MAPKBP1: variants seen among roughly 807,000 people sequenced by gnomAD.
MAPKBP1 encodes mitogen-activated protein kinase binding protein 1.
In MAPKBP1, 71 loss-of-function variants were observed where a neutral mutation model predicts 170.5. That is an observed-to-expected ratio of 0.42 (90% CI 0.34 to 0.51). The LOEUF (loss-of-function observed/expected upper bound fraction) is 0.51. MAPKBP1 is among the 20% of genes least tolerant of loss of function. The probability of loss-of-function intolerance (pLI) is 0.06; values close to 1 mark genes in which losing one functional copy is unlikely to be tolerated. For synonymous variants in MAPKBP1, 719 were observed against 757.9 expected, an observed-to-expected ratio of 0.95 and a Z score of 0.84; for missense variants, 1,598 against 1,933.0, an observed-to-expected ratio of 0.83 and a Z score of 3.25.
chr15:41,819,742 G>C (rs1434408258), intron 22 of MAPKBP1, 92 bp downstream of exon 22: 13 of 1,329,278 alleles, frequency 9.8e-6, no homozygotes, highest in Non-Finnish European at 1.3e-5. Flanking sequence ...AGGGTACTGG[G>C]GCATGGGGTC....
At chr15:41,802,632 C>G (rs1387537728) in intron 3 of MAPKBP1, among the ~76,000 whole-genome samples, 1 of 152,142 alleles carries the variant, frequency 6.6e-6, no homozygotes, top group African/African-American at 2.4e-5. Flanking sequence ...TGCCACCACG[C>G]CTGGCTAATT....
intron 2 of MAPKBP1, among the ~76,000 whole-genome samples, chr15:41,781,400 T>TG (rs1002003064): frequency 6.2e-5 from 1 of 16,232 alleles, no homozygotes; most frequent in Non-Finnish European, 1.6e-4. Flanking sequence ...GGTTTTTTTG[T>TG]TTTTTTTTTT....
Position 41,822,005 on chromosome 15 carries a change from A to G in MAPKBP1, c.2926A>G (p.Arg976Gly), listed in dbSNP as rs371956245. ...VQAPARGTLG[R>G]VYPGSRSSEK... ...GGCTCCAGCCCGGGGAACTCTGGGA[A>G]GAGTGTACCCAGGCAGCAGGAGCTC... is the stretch of plus-strand genomic sequence containing the variant. Residue 976 changes from arginine to glycine, a missense_variant, in exon 25 of 31, where the codon AGA (arginine) becomes GGA (glycine). By Grantham distance (125) the Arg-to-Gly change is moderately radical (BLOSUM62 -2). Transcript: ENST00000457542. 6 of 1,610,706 alleles carry G rather than the reference A, an allele frequency of 3.7e-6. No individual in the cohort carries two copies. Among genetic ancestry groups the G allele is most frequent in the Middle Eastern group, 1.7e-4 (1 of 6,018 alleles).
chr15:41,816,681 T>C, intron 13 of MAPKBP1, 31 bp downstream of exon 13: 1 of 1,586,796 alleles, frequency 6.3e-7, no homozygotes, highest in East Asian at 2.2e-5. Context: ...GGCACAGGGC[T>C]CCTCCAGTCC....
chr15:41,810,869 G>C lies in MAPKBP1; in HGVS notation c.207-14G>C. ...TGGTTTGCTGCTGAGCCTGTTGTCT[G>C]CTCATCTCCTCAGGTGTGTGGTTGT... On this transcript the variant is annotated splice_polypyrimidine_tract_variant and intron_variant, in intron 3 of 30. Transcript: ENST00000457542. 6.2e-7 allele frequency: 1 copy of C among 1,613,966 alleles called. No individual in the cohort carries two copies. Among genetic ancestry groups the C allele is most frequent in the Non-Finnish European group, 8.5e-7 (1 of 1,179,848 alleles).
At position 41,823,046 on chromosome 15, in the gene MAPKBP1, C is replaced by T. The variant is rs1342100943; in HGVS notation, c.3422C>T (p.Ala1141Val). Residue 1141 changes from alanine to valine, a missense_variant, in exon 28 of 31, where the codon GCA becomes GTA. By Grantham distance (64) the Ala-to-Val change is moderately conservative (BLOSUM62 0). Around this residue, in one of 6 missense-constraint regions of MAPKBP1, gnomAD observed 942 missense variants for 953.2 expected, o/e 0.99. Coordinates refer to ENST00000457542, the MANE Select transcript of MAPKBP1 (RefSeq NM_014994.3). ...PRGNGANPPG[A>V]PPEVEPSSGN... is the part of the protein sequence containing the mutation. ...GGCAATGGTGCCAATCCCCCTGGAG[C>T]ACCCCCGGAGGTGGAACCGTCCTCT... is the stretch of plus-strand genomic sequence containing the variant. 2 of 1,613,916 alleles carry T rather than the reference C, an allele frequency of 1.2e-6. No individual in the cohort carries two copies.
intron 2 of MAPKBP1, among the ~76,000 whole-genome samples, chr15:41,780,038 A>G (rs1731407304): frequency 6.6e-6 from 1 of 152,108 alleles, no homozygotes; most frequent in South Asian, 2.1e-4. Flanking sequence ...CCTGGACCCA[A>G]CACCTCTTCA....
chr15:41,802,833 T>G (rs2064621213), intron 3 of MAPKBP1, among the ~76,000 whole-genome samples: 1 of 152,240 alleles, frequency 6.6e-6, no homozygotes. Flanking sequence ...CTTTTTAAAC[T>G]TTTTTGTTAA....
At position 41,815,273 on chromosome 15, in the gene MAPKBP1, G is replaced by C. The variant is rs555101294; in HGVS notation, c.1185G>C (p.Val395=). 1 of 1,614,222 alleles carries C rather than the reference G, an allele frequency of 6.2e-7. No individual in the cohort carries two copies. Among genetic ancestry groups the C allele is most frequent in the East Asian group, 2.2e-5 (1 of 44,880 alleles). ...GGCCTCTTCAGGTCTACCCCGAGGT[G>C]AAGGATAGTAACCAGGCCTGCCTGC... ...CVWSVEVYPE[V]KDSNQACLPP... is the part of the protein sequence containing the mutation. Residue 395 remains valine, a synonymous_variant, in exon 11 of 31, where the codon GTG becomes GTC. Transcript: ENST00000457542.
At chr15:41,822,908 C>A (rs752773636) in intron 27 of MAPKBP1, 31 bp from the exon 28 acceptor site, 5 of 1,578,420 alleles carry the variant, frequency 3.2e-6, no homozygotes, top group South Asian at 1.2e-5. Context: ...TGAGCCTTCT[C>A]TGGGCCTTCT....
chr15:41,825,312 C>A lies in MAPKBP1; in HGVS notation c.4403C>A (p.Ala1468Glu), dbSNP rs941484469. The A allele has an allele frequency of 6.2e-7, 1 of 1,612,978 alleles. No individual in the cohort carries two copies. Among genetic ancestry groups the A allele is most frequent in the Non-Finnish European group, 8.5e-7 (1 of 1,179,860 alleles). ...VRQELEAVAG[A>E]VLSSPGSSPG... is the part of the protein sequence containing the mutation. Reference sequence around the variant, plus strand: ...CAGGAGCTGGAAGCTGTGGCTGGGGCAGTGCTGTCCAGCCCAGGCAGCAGC... The same window carrying A: ...CAGGAGCTGGAAGCTGTGGCTGGGGAAGTGCTGTCCAGCCCAGGCAGCAGC... Residue 1468 changes from alanine (A) to glutamate (E), a missense_variant, in exon 31 of 31, where the codon GCA becomes GAA. Ala to Glu is a moderately radical substitution (Grantham distance 107). Transcript: ENST00000457542.
intron 2 of MAPKBP1, among the ~76,000 whole-genome samples, chr15:41,782,216 C>T (rs1249863644): frequency 2.0e-5 from 3 of 147,402 alleles, no homozygotes; most frequent in Non-Finnish European, 4.5e-5. Context: ...GAGCTGAGAT[C>T]GCGCCACTGC....
At chr15:41,791,200 G>T (rs1474545426) in intron 2 of MAPKBP1, among the ~76,000 whole-genome samples, 1 of 152,048 alleles carries the variant, frequency 6.6e-6, no homozygotes, top group African/African-American at 2.4e-5. Context: ...AGAAGTGGGG[G>T]AAGGGAAAAG....
chr15:41,796,881 G>C (rs1288508843), intron 2 of MAPKBP1, among the ~76,000 whole-genome samples: 1 of 152,182 alleles, frequency 6.6e-6, no homozygotes, highest in Non-Finnish European at 1.5e-5. Context: ...CATGAAATCA[G>C]TAAAGTGGGC....
Position 41,784,554 on chromosome 15 carries a change from C to T in MAPKBP1, c.114+9165C>T, listed in dbSNP as rs377076957. 7.3e-5 allele frequency among the ~76,000 whole-genome samples: 11 copies of T among 151,676 alleles called. No homozygotes were observed. In the South Asian group the frequency reaches 8.3e-4, roughly 11 times the overall value. On this transcript the variant is annotated intron_variant, in intron 2 of 30. Coordinates refer to ENST00000457542, the MANE Select transcript of MAPKBP1 (RefSeq NM_014994.3). ...ATCCCAGCACTTTGGGAGGCCGAGG[C>T]GGGTGGATCACAAGGTCAAGAGATC...
At position 41,815,302 on chromosome 15, in the gene MAPKBP1, C is replaced by A; in HGVS notation, c.1214C>A (p.Pro405His). The A allele has an allele frequency of 6.2e-7, 1 of 1,614,180 alleles. No homozygotes were observed. ...GATAGTAACCAGGCCTGCCTGCCCC[C>A]CAGTTCCTTTATTACCTGCTCCTCA... Reference protein sequence around the residue: ...VKDSNQACLPPSSFITCSSDN... With the variant: ...VKDSNQACLPHSSFITCSSDN... Residue 405 changes from proline to histidine, a missense_variant, in exon 11 of 31, where the codon CCC (proline) becomes CAC (histidine). Pro to His is a moderately conservative substitution (Grantham distance 77, BLOSUM62 -2). Coordinates refer to ENST00000457542, the MANE Select transcript of MAPKBP1 (RefSeq NM_014994.3).
At chr15:41,780,411 G>A (rs1460915615) in intron 2 of MAPKBP1, among the ~76,000 whole-genome samples, 2 of 152,196 alleles carry the variant, frequency 1.3e-5, no homozygotes, top group African/African-American at 4.8e-5. Flanking sequence ...AACAGTCCAA[G>A]GTTTGAAATT....
chr15:41,822,906 C>T (rs767626508), intron 27 of MAPKBP1, 33 bp from the exon 28 acceptor site: 2 of 1,577,310 alleles, frequency 1.3e-6, no homozygotes, highest in Non-Finnish European at 1.7e-6. Context: ...ATTGAGCCTT[C>T]TCTGGGCCTT....
chr15:41,775,424 C>T (rs2064081166), intron 2 of MAPKBP1, 35 bp downstream of exon 2: 2 of 1,458,526 alleles, frequency 1.4e-6, no homozygotes, highest in Non-Finnish European at 1.9e-6. Context: ...TTTCCAAACC[C>T]ACCCTCTCCT....
Sources: allele counts gnomAD v4.1 joint callset (sites outside exome capture counted in the v4.1 genomes callset), GRCh38; gene constraint gnomAD v4.1.1; regional missense constraint gnomAD v4.1.1; transcripts MANE v1.5; gene names NCBI Gene and HGNC (gene_info 2026-07-23, HGNC 2026-07-21).